Variants in HDAC9 observed in about 807,000 individuals in gnomAD.
HDAC9 encodes the protein MEF-2 interacting transcription repressor (MITR) protein.
Under a neutral mutation model 139.4 loss-of-function variants are expected in HDAC9, and 41 were observed. That is an observed-to-expected ratio of 0.29 (90% CI 0.23 to 0.38). The LOEUF is 0.38. Ranked by LOEUF, HDAC9 falls within the 10% of genes least tolerant of loss-of-function variation. HDAC9 has a pLI of 1.00. For synonymous variants in HDAC9, 517 were observed against 476.2 expected, an observed-to-expected ratio of 1.09 and a Z score of -1.12; for missense variants, 1,147 against 1,297.0, an observed-to-expected ratio of 0.88 and a Z score of 1.78.
At chr7:18,803,110 T>A (rs1309253007) in intron 17 of HDAC9, among the ~76,000 whole-genome samples, 1 of 152,080 alleles carries the variant, frequency 6.6e-6, no homozygotes, top group Non-Finnish European at 1.5e-5. Flanking sequence ...ATTTTTTCTC[T>A]ATGTGACCTC....
At chr7:18,353,596 A>G (rs575198899) in intron 1 of HDAC9, among the ~76,000 whole-genome samples, 237 of 152,276 alleles carry the variant, frequency 1.6e-3, no homozygotes, top group African/African-American at 5.3e-3. Context: ...TGAATCCTCT[A>G]TGAGGTAATT....
intron 12 of HDAC9, among the ~76,000 whole-genome samples, chr7:18,670,071 T>C (rs1795577039): frequency 6.6e-6 from 1 of 151,976 alleles, no homozygotes; most frequent in Non-Finnish European, 1.5e-5. Context: ...GGTGTTTCAT[T>C]GTGTTTTTTT....
At chr7:18,137,802 GA>G (rs1307040409) in intron 1 of HDAC9, among the ~76,000 whole-genome samples, 2 of 152,190 alleles carry the variant, frequency 1.3e-5, no homozygotes, top group Admixed American at 1.3e-4. Flanking sequence ...TTTGGAATCA[GA>G]ATGATGCTGG....
At chr7:18,717,025 G>A (rs1022484473) in intron 12 of HDAC9, among the ~76,000 whole-genome samples, 3 of 118,472 alleles carry the variant, frequency 2.5e-5, no homozygotes, top group Non-Finnish European at 5.1e-5. Flanking sequence ...TATTTTGTTC[G>A]CTGGCATGAA....
At chr7:18,912,130 A>G (rs1037402055) in intron 22 of HDAC9, among the ~76,000 whole-genome samples, 1 of 152,030 alleles carries the variant, frequency 6.6e-6, no homozygotes, top group African/African-American at 2.4e-5. Context: ...CTCTCTCTTT[A>G]CATAGAATAA....
intron 2 of HDAC9, among the ~76,000 whole-genome samples, chr7:18,566,089 G>A (rs1822246272): frequency 6.6e-6 from 1 of 152,146 alleles, no homozygotes; most frequent in African/African-American, 2.4e-5. Context: ...ACAAAAAGTA[G>A]ATATTTTTGT....
chr7:18,664,500 C>T (rs549118265), intron 11 of HDAC9, among the ~76,000 whole-genome samples: 35 of 152,200 alleles, frequency 2.3e-4, no homozygotes, highest in African/African-American at 6.3e-4. Flanking sequence ...CATTATCTTT[C>T]GGCATGTTCC....
At chr7:18,964,353 T>A (rs1476809124) in intron 24 of HDAC9, among the ~76,000 whole-genome samples, 1 of 152,198 alleles carries the variant, frequency 6.6e-6, no homozygotes, top group Non-Finnish European at 1.5e-5. Context: ...GATTATCAGT[T>A]AAGATCAGAT....
chr7:18,281,140 G>A (rs1797079893), intron 2 of HDAC9, among the ~76,000 whole-genome samples: 1 of 152,154 alleles, frequency 6.6e-6, no homozygotes, highest in Admixed American at 6.5e-5. Flanking sequence ...AGTCTGAGAA[G>A]ACTTAGTCTA....
chr7:18,103,325 TTTTAC>T (rs1470598063), intron 1 of HDAC9, among the ~76,000 whole-genome samples: 3 of 152,134 alleles, frequency 2.0e-5, no homozygotes, highest in African/African-American at 7.2e-5. Context: ...ATAGTGACAT[TTTTAC>T]TTTATTATTT....
At chr7:18,877,366 C>G (rs1170490079) in intron 22 of HDAC9, among the ~76,000 whole-genome samples, 1 of 152,170 alleles carries the variant, frequency 6.6e-6, no homozygotes, top group Non-Finnish European at 1.5e-5. Flanking sequence ...CTTTCACTGT[C>G]TTGTTCAGGA....
At chr7:18,513,741 C>T (rs931180898) in intron 2 of HDAC9, among the ~76,000 whole-genome samples, 1 of 152,138 alleles carries the variant, frequency 6.6e-6, no homozygotes, top group Non-Finnish European at 1.5e-5. Flanking sequence ...GATGGGTTGC[C>T]TAGATTACCG....
At chr7:18,216,051 T>C (rs1447822094) in intron 2 of HDAC9, among the ~76,000 whole-genome samples, 1 of 151,934 alleles carries the variant, frequency 6.6e-6, no homozygotes, top group East Asian at 1.9e-4. Flanking sequence ...ACCACAATTT[T>C]ATTTTTAGGT....
intron 2 of HDAC9, among the ~76,000 whole-genome samples, chr7:18,209,908 G>C (rs544392658): frequency 6.6e-6 from 1 of 152,152 alleles, no homozygotes; most frequent in South Asian, 2.1e-4. Context: ...CACCATGTTA[G>C]CCAGGATGGT....
At chr7:18,938,445 A>C (rs1427694355) in intron 23 of HDAC9, among the ~76,000 whole-genome samples, 1 of 151,832 alleles carries the variant, frequency 6.6e-6, no homozygotes, top group African/African-American at 2.4e-5. Flanking sequence ...AATACAAAAA[A>C]TTAGCGGGGC....
chr7:18,932,289 T>G (rs916210107), intron 22 of HDAC9, among the ~76,000 whole-genome samples: 1 of 152,194 alleles, frequency 6.6e-6, no homozygotes, highest in Non-Finnish European at 1.5e-5. Context: ...CAATTGCCCC[T>G]GAAATTGGAC....
At chr7:18,690,170 T>C (rs1782570910) in intron 12 of HDAC9, among the ~76,000 whole-genome samples, 1 of 152,008 alleles carries the variant, frequency 6.6e-6, no homozygotes, top group Admixed American at 6.6e-5. Context: ...TGATGGTAAC[T>C]AAAGAGGTTT....
chr7:18,224,813 G>A (rs533847746), intron 2 of HDAC9, among the ~76,000 whole-genome samples: 1 of 151,986 alleles, frequency 6.6e-6, no homozygotes, highest in African/African-American at 2.4e-5. Flanking sequence ...AATCAAAGAA[G>A]GTCAGAGGGA....
intron 12 of HDAC9, among the ~76,000 whole-genome samples, chr7:18,674,664 G>C (rs1053029619): frequency 6.6e-6 from 1 of 151,922 alleles, no homozygotes; most frequent in Admixed American, 6.6e-5. Flanking sequence ...TTCTTATTCA[G>C]ATGTAAATGG....
Sources: allele counts gnomAD v4.1 joint callset (sites outside exome capture counted in the v4.1 genomes callset), GRCh38; gene constraint gnomAD v4.1.1; transcripts MANE v1.5; gene names NCBI Gene and HGNC (gene_info 2026-07-23, HGNC 2026-07-21).